RPL7A: variants seen among roughly 807,000 people sequenced by gnomAD.
The protein encoded by RPL7A is ribosomal protein L7a.
For missense variants in RPL7A, 291 were observed against 338.2 expected, an observed-to-expected ratio of 0.86 and a Z score of 1.09; for synonymous variants, 158 against 128.2, an observed-to-expected ratio of 1.23 and a Z score of -1.57.
chr9:133,350,322 G>C lies in RPL7A; in HGVS notation c.495+3G>C. On this transcript the variant is annotated splice_donor_region_variant and intron_variant, in intron 5 of 7. Coordinates refer to ENST00000323345, the MANE Select transcript of RPL7A (RefSeq NM_000972.3). ...CACACGACGTGGATCCCATCGAGGTGCGTTTGCCTGTTGACTGCTAACCCA... is the reference window on the plus strand; with the variant it reads ...CACACGACGTGGATCCCATCGAGGTCCGTTTGCCTGTTGACTGCTAACCCA... 6.2e-7 allele frequency: 1 copy of C among 1,614,036 alleles called. No individual in the cohort carries two copies. Among genetic ancestry groups the C allele is most frequent in the Non-Finnish European group, 8.5e-7 (1 of 1,179,994 alleles).
chr9:133,348,780 TG>T, intron 1 of RPL7A, 141 bp from the exon 2 acceptor site: 6 of 1,252,758 alleles, frequency 4.8e-6, no homozygotes, highest in Middle Eastern at 2.0e-4. Flanking sequence ...GGGGTGGTGC[TG>T]GGGGGTTGCA....
At position 133,351,244 on chromosome 9, in the gene RPL7A, C is replaced by G; in HGVS notation, c.697-18C>G. On this transcript the variant is annotated intron_variant, in intron 7 of 7. Transcript: ENST00000323345. ...GAAAACAGTAAGCCAAGCTAACTGC[C>G]TCTTTTTGTCTTTTCAGATCCGCCG... The G allele has an allele frequency of 6.2e-7, 1 of 1,609,464 alleles. No homozygotes were observed. Among genetic ancestry groups the G allele is most frequent in the East Asian group, 2.2e-5 (1 of 44,830 alleles).
chr9:133,348,542 T>G, intron 1 of RPL7A: 1 of 597,948 alleles, frequency 1.7e-6, no homozygotes, highest in East Asian at 2.8e-5. Flanking sequence ...CTAGCGTCTC[T>G]CGGGCTTGCT....
In RPL7A at chr9:133,348,985, G is replaced by A. The variant is rs1836300492; in HGVS notation, c.67G>A (p.Glu23Lys). The change falls in exon 2 of 8, where the codon GAG (glutamate) becomes AAG (lysine). Residue 23 changes from glutamate (E) to lysine (K), a missense_variant. Glu to Lys is a moderately conservative substitution (Grantham distance 56, BLOSUM62 1). Coordinates refer to ENST00000323345, the MANE Select transcript of RPL7A (RefSeq NM_000972.3). Reference sequence around the variant, plus strand: ...GGCCCCAGCTGTCGTGAAGAAGCAGGAGGCTAAGAAAGTGGTGAATCCCCT... The same window carrying A: ...GGCCCCAGCTGTCGTGAAGAAGCAGAAGGCTAAGAAAGTGGTGAATCCCCT... Reference protein sequence around the residue: ...APAPAVVKKQEAKKVVNPLFE... With the variant: ...APAPAVVKKQKAKKVVNPLFE... 1.2e-6 allele frequency: 2 copies of A among 1,613,944 alleles called. No homozygotes were observed. The highest frequency in any genetic ancestry group is 1.3e-5 in the African/African-American group (1 of 74,942).
At chr9:133,348,353 G>A (rs1178220948) in intron 1 of RPL7A, 107 bp downstream of exon 1, 5 of 1,485,100 alleles carry the variant, frequency 3.4e-6, no homozygotes, top group Admixed American at 1.7e-5. Flanking sequence ...CCTGGCGCTA[G>A]GAGAGCCCCA....
At chr9:133,351,155 T>G in intron 7 of RPL7A, 84 bp downstream of exon 7, 1 of 1,545,020 alleles carries the variant, frequency 6.5e-7, no homozygotes, top group Non-Finnish European at 8.9e-7. Flanking sequence ...TGAGAAGTTC[T>G]ATCTGACGAT....
rs2129982430 is a variant in RPL7A at position 133,348,957 on chromosome 9, T to C, written c.39T>C (p.Ala13=). Reference sequence around the variant, plus strand: ...AGAAGGCCAAGGGAAAGAAGGTGGCTCCGGCCCCAGCTGTCGTGAAGAAGC... The same window carrying C: ...AGAAGGCCAAGGGAAAGAAGGTGGCCCCGGCCCCAGCTGTCGTGAAGAAGC... ...KGKKAKGKKV[A]PAPAVVKKQE... is the part of the protein sequence containing the mutation. The change falls in exon 2 of 8, where the codon GCT becomes GCC. Residue 13 remains alanine (A), a synonymous_variant. Transcript: ENST00000323345. The C allele has an allele frequency of 6.2e-7, 1 of 1,613,946 alleles. No individual in the cohort carries two copies. Among genetic ancestry groups the C allele is most frequent in the Non-Finnish European group, 8.5e-7 (1 of 1,179,996 alleles).
intron 2 of RPL7A, 177 bp from the exon 3 acceptor site, chr9:133,349,374 T>C (rs1836314536): frequency 2.2e-6 from 2 of 927,522 alleles, no homozygotes; most frequent in South Asian, 1.3e-5. Flanking sequence ...AGCATCGTGC[T>C]CTTTGTTCTC....
rs2129992198 is a variant in RPL7A, at chr9:133,350,224, T to C, written c.416-16T>C. 1.9e-6 allele frequency: 3 copies of C among 1,613,484 alleles called. No homozygotes were observed. Among genetic ancestry groups the C allele is most frequent in the Admixed American group, 1.7e-5 (1 of 59,968 alleles). On this transcript the variant is annotated splice_polypyrimidine_tract_variant and intron_variant, in intron 4 of 7. Coordinates refer to ENST00000323345, the MANE Select transcript of RPL7A (RefSeq NM_000972.3). ...GCAGGCCCTGTGAGTGCTCACAAAGTGGTTGTGTGTTCTAGGAGTTAACAC... is the reference window on the plus strand; with the variant it reads ...GCAGGCCCTGTGAGTGCTCACAAAGCGGTTGTGTGTTCTAGGAGTTAACAC...
chr9:133,349,862 C>G (rs2129989093), intron 3 of RPL7A, 50 bp from the exon 4 acceptor site: 19 of 1,599,578 alleles, frequency 1.2e-5, no homozygotes, highest in Non-Finnish European at 2.6e-6. Context: ...TGTTAAGTGA[C>G]AAGGATTAGA....
intron 5 of RPL7A, 88 bp downstream of exon 5, chr9:133,350,407 C>T (rs139231355): frequency 2.5e-5 from 39 of 1,529,532 alleles, no homozygotes; most frequent in Admixed American, 1.2e-4. Flanking sequence ...GTGATGGGAC[C>T]GAAGTGGGTG....
chr9:133,349,230 A>G (rs946727549), intron 2 of RPL7A, among the ~76,000 whole-genome samples, 188 bp downstream of exon 2: 1 of 152,188 alleles, frequency 6.6e-6, no homozygotes, highest in African/African-American at 2.4e-5. Flanking sequence ...GCGAGCATTC[A>G]GCTCAATATG....
At chr9:133,349,453 A>G in intron 2 of RPL7A, 98 bp from the exon 3 acceptor site, 1 of 1,453,368 alleles carries the variant, frequency 6.9e-7, no homozygotes. Flanking sequence ...ATTTTAAACC[A>G]CCAAGATCGC....
At position 133,350,230 on chromosome 9, in the gene RPL7A, T is replaced by C. The variant is rs2129992309; in HGVS notation, c.416-10T>C. On this transcript the variant is annotated splice_polypyrimidine_tract_variant and intron_variant, in intron 4 of 7. Transcript: ENST00000323345. ...CCTGTGAGTGCTCACAAAGTGGTTG[T>C]GTGTTCTAGGAGTTAACACCGTCAC... 35 of 1,613,830 alleles carry C rather than the reference T, an allele frequency of 2.2e-5. No individual in the cohort carries two copies. The highest frequency in any genetic ancestry group is 2.8e-5 in the Non-Finnish European group (33 of 1,179,976).
At chr9:133,350,568 T>C (rs1564345159) in intron 5 of RPL7A, 29 bp from the exon 6 acceptor site, 6 of 1,614,076 alleles carry the variant, frequency 3.7e-6, no homozygotes, top group Non-Finnish European at 5.1e-6. Flanking sequence ...TTGGTCAAAA[T>C]ACAGTCTTCA....
intron 7 of RPL7A, 68 bp from the exon 8 acceptor site, chr9:133,351,194 G>T: frequency 5.8e-6 from 9 of 1,553,906 alleles, no homozygotes; most frequent in Non-Finnish European, 8.0e-6. Context: ...CAGAATTAAC[G>T]CAACTAATAA....
chr9:133,350,449 G>A (rs1335305499), intron 5 of RPL7A, 130 bp downstream of exon 5: 16 of 1,496,994 alleles, frequency 1.1e-5, no homozygotes, highest in East Asian at 2.3e-5. Context: ...CAACACATGC[G>A]TGGCTCTTGC....
chr9:133,350,260 T>G lies in RPL7A; in HGVS notation c.436T>G (p.Leu146Val). ...LRAGVNTVTT[L>V]VENKKAQLVV... is the part of the protein sequence containing the mutation. ...TCTAGGAGTTAACACCGTCACCACC[T>G]TGGTGGAGAACAAGAAAGCTCAGCT... The change falls in exon 5 of 8, where the codon TTG becomes GTG. Residue 146 changes from leucine (L) to valine (V), a missense_variant. Leu to Val is a conservative substitution (Grantham distance 32, BLOSUM62 1). Coordinates refer to ENST00000323345, the MANE Select transcript of RPL7A (RefSeq NM_000972.3). 6.2e-7 allele frequency: 1 copy of G among 1,613,882 alleles called. No homozygotes were observed. Among genetic ancestry groups the G allele is most frequent in the Non-Finnish European group, 8.5e-7 (1 of 1,180,014 alleles).
rs2129999333 is a variant in RPL7A at position 133,351,318 on chromosome 9, C to T, written c.753C>T (p.Ala251=). The T allele has an allele frequency of 1.2e-6, 2 of 1,613,878 alleles. No homozygotes were observed. The highest frequency in any genetic ancestry group is 1.1e-5 in the South Asian group (1 of 91,078). Reference sequence around the variant, plus strand: ...GTCCTAAGTCTGTGGCTCGTATCGCCAAGCTCGAAAAGGCAAAGGCTAAAG... The same window carrying T: ...GTCCTAAGTCTGTGGCTCGTATCGCTAAGCTCGAAAAGGCAAAGGCTAAAG... ...VLGPKSVARI[A]KLEKAKAKEL... The change falls in exon 8 of 8, where the codon GCC becomes GCT. Residue 251 remains alanine (A), a synonymous_variant. Coordinates refer to ENST00000323345, the MANE Select transcript of RPL7A (RefSeq NM_000972.3).
Sources: gnomAD v4.1 joint callset for allele counts (sites outside exome capture counted in the v4.1 genomes callset) on GRCh38, gnomAD v4.1.1 for gene constraint, MANE v1.5 for transcripts, NCBI Gene and HGNC (gene_info 2026-07-23, HGNC 2026-07-21) for gene names.